The following GARIN2 variants were observed in gnomAD, a reference collection of about 807,000 sequenced individuals.
The protein encoded by GARIN2 is golgi associated RAB2 interactor family member 2, also known as Golgi-associated RAB2 interactor protein 2.
At chr14:67,204,454 C>T in the GARIN2 span, 2 of 1,399,486 alleles carry the variant, frequency 1.4e-6, no homozygotes, top group African/African-American at 2.9e-5. Context: ...AACAAACAAA[C>T]AAATATATAT....
At chr14:67,204,837 T>G in the GARIN2 span, 2 of 1,614,022 alleles carry the variant, frequency 1.2e-6, no homozygotes, top group Non-Finnish European at 1.7e-6. Context: ...CGTACATGTA[T>G]GCAGGTACAG....
At chr14:67,204,476 A>G in the GARIN2 span, 4 of 1,486,614 alleles carry the variant, frequency 2.7e-6, no homozygotes. Context: ...TATATAAGAA[A>G]GGCCTTTTTA....
chr14:67,228,280 TGTA>T, the GARIN2 span: 1 of 244,124 alleles, frequency 4.1e-6, no homozygotes, highest in Non-Finnish European at 6.6e-6. Flanking sequence ...GAAGAAAAGT[TGTA>T]GTATAAATAT....
At chr14:67,226,990 C>A in the GARIN2 span, among the ~76,000 whole-genome samples, 8 of 152,142 alleles carry the variant, frequency 5.3e-5, no homozygotes, top group Non-Finnish European at 1.0e-4. Context: ...AGAGAAATTT[C>A]TTTCAAGATA....
chr14:67,217,116 T>C, the GARIN2 span, among the ~76,000 whole-genome samples: 1 of 152,330 alleles, frequency 6.6e-6, no homozygotes, highest in East Asian at 1.9e-4. Context: ...ACAATTGTTA[T>C]ATCTTCACGT....
the GARIN2 span, among the ~76,000 whole-genome samples, chr14:67,204,188 G>C: frequency 1.3e-5 from 2 of 152,164 alleles, no homozygotes; most frequent in Non-Finnish European, 2.9e-5. Flanking sequence ...TGTAATCCCA[G>C]TACTTTGGGA....
the GARIN2 span, chr14:67,204,606 G>A: frequency 1.8e-5 from 29 of 1,613,742 alleles, no homozygotes; most frequent in Non-Finnish European, 2.2e-5. Flanking sequence ...AAGTAAAGCT[G>A]GTGAGTGGTC....
chr14:67,215,058 G>C, the GARIN2 span, among the ~76,000 whole-genome samples: 1 of 152,190 alleles, frequency 6.6e-6, no homozygotes, highest in Non-Finnish European at 1.5e-5. Context: ...AGCTTAAGGA[G>C]ATTCTGGGCT....
chr14:67,213,154 GTATTTTATTT>G, the GARIN2 span, among the ~76,000 whole-genome samples: 3 of 145,144 alleles, frequency 2.1e-5, no homozygotes, highest in African/African-American at 7.7e-5. Context: ...TTTTTTAAAT[GTATTTTATTT>G]TATTTTATTA....
chr14:67,206,209 G>A, the GARIN2 span, among the ~76,000 whole-genome samples: 1 of 151,762 alleles, frequency 6.6e-6, no homozygotes, highest in Admixed American at 6.6e-5. Flanking sequence ...AGAAAAGAAA[G>A]ATGGTAGGGA....
chr14:67,198,157 G>A, the GARIN2 span: 24 of 1,609,094 alleles, frequency 1.5e-5, no homozygotes, highest in Non-Finnish European at 1.9e-5. Flanking sequence ...TTATGTGCAA[G>A]CGCAATGAAG....
the GARIN2 span, among the ~76,000 whole-genome samples, chr14:67,192,939 G>T: frequency 1.2e-4 from 17 of 143,358 alleles, no homozygotes; most frequent in Non-Finnish European, 1.8e-4. Context: ...TAGATATCTA[G>T]ATAAATATCT....
the GARIN2 span, chr14:67,225,408 G>A: frequency 3.9e-6 from 2 of 514,200 alleles, no homozygotes; most frequent in Non-Finnish European, 3.1e-6. Context: ...AATGTTAGGG[G>A]TTTGTTGTGG....
the GARIN2 span, among the ~76,000 whole-genome samples, chr14:67,216,124 G>T: frequency 6.6e-6 from 1 of 151,956 alleles, no homozygotes; most frequent in Non-Finnish European, 1.5e-5. Context: ...CTAACATGTG[G>T]TACATTTGTT....
chr14:67,225,064 C>T, the GARIN2 span: 1 of 1,472,522 alleles, frequency 6.8e-7, no homozygotes, highest in South Asian at 1.4e-5. Flanking sequence ...TTCTCACTTC[C>T]TCTCTATTGA....
At chr14:67,204,917 C>T in the GARIN2 span, 4 of 1,613,844 alleles carry the variant, frequency 2.5e-6, no homozygotes, top group Non-Finnish European at 2.5e-6. Context: ...ACAGATGTCA[C>T]AGATCTTCCA....
chr14:67,201,538 G>A, the GARIN2 span: 33 of 455,836 alleles, frequency 7.2e-5, 1 homozygote, highest in South Asian at 1.2e-4. Context: ...TCTGAGAAAC[G>A]TTTTCCAGGG....
the GARIN2 span, among the ~76,000 whole-genome samples, chr14:67,213,550 A>T: frequency 6.6e-6 from 1 of 151,746 alleles, no homozygotes; most frequent in African/African-American, 2.4e-5. Context: ...ACATTTTCTT[A>T]ATCCAGTTTA....
At chr14:67,219,475 G>A in the GARIN2 span, among the ~76,000 whole-genome samples, 2 of 152,148 alleles carry the variant, frequency 1.3e-5, no homozygotes, top group Non-Finnish European at 2.9e-5. Context: ...CCTTTCTTGT[G>A]GGAGAAGGAT....
Sources: allele counts gnomAD v4.1 joint callset (sites outside exome capture counted in the v4.1 genomes callset), GRCh38; gene constraint gnomAD v4.1.1; transcripts MANE v1.5; gene names NCBI Gene and HGNC (gene_info 2026-07-23, HGNC 2026-07-21).